Variants in AHCY observed in about 807,000 individuals in gnomAD.
AHCY encodes adenosylhomocysteinase.
Under a neutral mutation model 45.4 loss-of-function variants are expected in AHCY, and 24 were observed. That is an observed-to-expected ratio of 0.53 (90% CI 0.38 to 0.74). The LOEUF (loss-of-function observed/expected upper bound fraction) is 0.74. AHCY is among the 30% of genes least tolerant of loss of function. AHCY has a pLI of 0.00. For missense variants in AHCY, 449 were observed against 594.1 expected (o/e 0.76, Z 2.54); for synonymous variants, 245 against 235.1 (o/e 1.04, Z -0.39).
chr20:34,269,114 T>C, the AHCY span: 9 of 1,563,034 alleles, frequency 5.8e-6, no homozygotes, highest in South Asian at 1.1e-4. Context: ...CTCCTGCCAG[T>C]GCCGCTTCTT....
chr20:34,287,584 G>T (rs2036230543), intron 8 of AHCY, among the ~76,000 whole-genome samples: 1 of 151,820 alleles, frequency 6.6e-6, no homozygotes, highest in Non-Finnish European at 1.5e-5. Context: ...TAGAGACAGG[G>T]TTTGACCATG....
In AHCY at chr20:34,285,421, G is replaced by T. The variant is rs918586575; in HGVS notation, c.1167+19C>A. On this transcript the variant is annotated intron_variant, in intron 9 of 9. Coordinates refer to ENST00000217426, the MANE Select transcript of AHCY (RefSeq NM_000687.4). The stretch of plus-strand genomic sequence containing the variant: ...ATTAGACACGTGACCCTTGGCTTGA[G>T]GTAGAAGAATAAACCCACCTTCTTG... 6.2e-7 allele frequency: 1 copy of T among 1,613,356 alleles called. No individual in the cohort carries two copies. The highest frequency in any genetic ancestry group is 8.5e-7 in the Non-Finnish European group (1 of 1,179,644).
At chr20:34,238,882 CTT>C in the AHCY span, among the ~76,000 whole-genome samples, 2 of 152,166 alleles carry the variant, frequency 1.3e-5, no homozygotes, top group African/African-American at 4.8e-5. Context: ...GCCAAGGACA[CTT>C]TGCCATCCAA....
At chr20:34,266,488 C>T in the AHCY span, among the ~76,000 whole-genome samples, 2 of 152,080 alleles carry the variant, frequency 1.3e-5, no homozygotes, top group Non-Finnish European at 2.9e-5. Context: ...GCCTAGCCAA[C>T]ATGGTGAAAC....
At chr20:34,296,952 A>C (rs1028958231) in intron 1 of AHCY, among the ~76,000 whole-genome samples, 3 of 152,094 alleles carry the variant, frequency 2.0e-5, no homozygotes, top group African/African-American at 7.2e-5. Flanking sequence ...CTGTGCCTCA[A>C]CTCAAGCCAC....
intron 1 of AHCY, chr20:34,302,948 C>T: frequency 1.0e-6 from 1 of 985,422 alleles, no homozygotes; most frequent in Non-Finnish European, 1.2e-6. Flanking sequence ...CGTCCCAGGC[C>T]GTGGCCAGGT....
the AHCY span, among the ~76,000 whole-genome samples, chr20:34,235,863 A>G: frequency 2.5e-5 from 1 of 40,294 alleles, no homozygotes; most frequent in Non-Finnish European, 3.8e-5. Flanking sequence ...GAAGGAAGGA[A>G]GGAAAGGAAG....
chr20:34,303,819 C>T (rs1056789628), upstream of AHCY, among the ~76,000 whole-genome samples: 3 of 152,072 alleles, frequency 2.0e-5, no homozygotes, highest in Non-Finnish European at 4.4e-5. Context: ...CACAGTGAGA[C>T]CTGAACTCTA....
intron 1 of AHCY, among the ~76,000 whole-genome samples, chr20:34,300,503 T>G (rs907003640): frequency 6.6e-6 from 1 of 152,120 alleles, no homozygotes; most frequent in Non-Finnish European, 1.5e-5. Flanking sequence ...CTCCACTCAT[T>G]TCCACCTCAG....
At chr20:34,298,812 G>A (rs970585924) in intron 1 of AHCY, among the ~76,000 whole-genome samples, 1 of 152,152 alleles carries the variant, frequency 6.6e-6, no homozygotes, top group Non-Finnish European at 1.5e-5. Flanking sequence ...CTTCTAGATA[G>A]CAGTAGTAAA....
At chr20:34,235,983 GGAAA>G in the AHCY span, among the ~76,000 whole-genome samples, 2 of 101,482 alleles carry the variant, frequency 2.0e-5, no homozygotes, top group Admixed American at 1.8e-4. Flanking sequence ...GAGGGAAGAA[GGAAA>G]GAAGGAAGGA....
chr20:34,274,557 T>C, the AHCY span, among the ~76,000 whole-genome samples: 4 of 152,132 alleles, frequency 2.6e-5, no homozygotes, highest in African/African-American at 9.7e-5. Flanking sequence ...GTAGTCTCAC[T>C]AGTGGAGCTT....
chr20:34,309,831 A>T (rs1422631192), intron 1 of AHCY, among the ~76,000 whole-genome samples: 1 of 151,608 alleles, frequency 6.6e-6, no homozygotes, highest in African/African-American at 2.4e-5. Context: ...AGAGAAAAGA[A>T]AAGAGAGAGG....
At chr20:34,272,986 C>T in the AHCY span, among the ~76,000 whole-genome samples, 8 of 152,332 alleles carry the variant, frequency 5.3e-5, no homozygotes, top group Admixed American at 6.5e-5. Context: ...AGAGCTTCTG[C>T]GTCCTCCCTG....
the AHCY span, among the ~76,000 whole-genome samples, chr20:34,237,711 G>C: frequency 2.0e-5 from 3 of 152,140 alleles, no homozygotes; most frequent in Non-Finnish European, 4.4e-5. Context: ...GTGAAAGCAG[G>C]CATCTTTGTC....
chr20:34,288,205 T>C (rs2122743999), intron 8 of AHCY, among the ~76,000 whole-genome samples: 1 of 152,088 alleles, frequency 6.6e-6, no homozygotes, highest in South Asian at 2.1e-4. Flanking sequence ...AGGAGCAGTG[T>C]AGGGGATGTG....
chr20:34,261,318 G>C, the AHCY span, among the ~76,000 whole-genome samples: 5 of 152,168 alleles, frequency 3.3e-5, no homozygotes, highest in South Asian at 1.0e-3. Context: ...GAGCGACATA[G>C]GGAGACCCCG....
chr20:34,279,580 C>A (rs2035946710), downstream of AHCY, among the ~76,000 whole-genome samples: 1 of 152,092 alleles, frequency 6.6e-6, no homozygotes, highest in South Asian at 2.1e-4. Context: ...AAAGTCTGTA[C>A]ACTATTTACA....
the AHCY span, among the ~76,000 whole-genome samples, chr20:34,258,632 A>G: frequency 8.8e-6 from 1 of 113,744 alleles, no homozygotes; most frequent in Non-Finnish European, 1.8e-5. Context: ...CATGGTGGAG[A>G]GCCCCTGTCA....
Sources: allele counts gnomAD v4.1 joint callset (sites outside exome capture counted in the v4.1 genomes callset), GRCh38; gene constraint gnomAD v4.1.1; transcripts MANE v1.5; gene names NCBI Gene and HGNC (gene_info 2026-07-23, HGNC 2026-07-21).